The following KIAA0825 variants were observed in gnomAD, a reference collection of about 807,000 sequenced individuals.
KIAA0825 encodes the protein uncharacterized protein KIAA0825.
KIAA0825 carries 119 observed loss-of-function variants against 147.6 expected under a neutral mutation model. The observed-to-expected ratio is 0.81, with a 90% CI of 0.69 to 0.94. KIAA0825 has a LOEUF of 0.94. KIAA0825 is among the 40% of genes least tolerant of loss of function. The probability of loss-of-function intolerance (pLI) is 0.00; values close to 1 mark genes in which losing one functional copy is unlikely to be tolerated. For missense variants in KIAA0825, 1,381 were observed against 1,472.7 expected, an observed-to-expected ratio of 0.94 and a Z score of 1.02; for synonymous variants, 470 against 518.1, an observed-to-expected ratio of 0.91 and a Z score of 1.26.
intron 20 of KIAA0825, among the ~76,000 whole-genome samples, chr5:94,155,218 T>TC (rs1228666501): frequency 8.3e-6 from 1 of 120,546 alleles, no homozygotes; most frequent in African/African-American, 2.7e-5. Flanking sequence ...TCTTTCTTTT[T>TC]TTTTTTTTTT....
chr5:94,235,275 G>A lies in KIAA0825; in HGVS notation c.3711-81151C>T, dbSNP rs141232419. On this transcript the variant is annotated intron_variant, in intron 20 of 20. Transcript: ENST00000682413. The stretch of plus-strand genomic sequence containing the variant: ...AAAAGTGCTACTCCAATGAACACAT[G>A]AATGATAAGAAAGTGAAACAACCTT... Among the ~76,000 whole-genome samples, 1,172 of 152,320 alleles carry A rather than the reference G, an allele frequency of 7.7e-3. 11 individuals carry two copies. Among genetic ancestry groups the A allele is most frequent in the Middle Eastern group, 0.017 (5 of 294 alleles).
chr5:94,236,557 G>A (rs1775050047), intron 20 of KIAA0825, among the ~76,000 whole-genome samples: 2 of 152,142 alleles, frequency 1.3e-5, no homozygotes, highest in Admixed American at 6.5e-5. Context: ...AGAAGGCAGT[G>A]GCAGGGTTTG....
At chr5:94,273,290 G>A (rs922682798) in intron 20 of KIAA0825, among the ~76,000 whole-genome samples, 5 of 152,164 alleles carry the variant, frequency 3.3e-5, no homozygotes, top group Non-Finnish European at 5.9e-5. Flanking sequence ...GTGTGTATAT[G>A]TGTACGGAGA....
intron 20 of KIAA0825, among the ~76,000 whole-genome samples, chr5:94,362,432 C>A (rs185917332): frequency 7.9e-5 from 12 of 152,268 alleles, no homozygotes; most frequent in Non-Finnish European, 1.5e-5. Context: ...TCACTCTAGC[C>A]AATAACGTGG....
chr5:94,422,375 C>T (rs1484365730), intron 14 of KIAA0825, among the ~76,000 whole-genome samples: 1 of 152,114 alleles, frequency 6.6e-6, no homozygotes, highest in Non-Finnish European at 1.5e-5. Flanking sequence ...AAATTATACT[C>T]CCTTAGTCCA....
intron 20 of KIAA0825, among the ~76,000 whole-genome samples, chr5:94,186,094 AC>A (rs1416290823): frequency 1.3e-5 from 2 of 152,202 alleles, no homozygotes; most frequent in Non-Finnish European, 2.9e-5. Context: ...GTAGTACTAT[AC>A]AACCAAACAC....
In KIAA0825 at chr5:94,524,211, C is replaced by T. The variant is rs1040631935; in HGVS notation, c.132-113G>A. On this transcript the variant is annotated intron_variant, in intron 3 of 20. Coordinates refer to ENST00000682413, the MANE Select transcript of KIAA0825 (RefSeq NM_001145678.3). Reference sequence around the variant, plus strand: ...GTGGTACCTGGCTTTGTACAATTTACAAATTCATTCATATGATATGAAAAT... The same window carrying T: ...GTGGTACCTGGCTTTGTACAATTTATAAATTCATTCATATGATATGAAAAT... The T allele has an allele frequency of 5.9e-6, 3 of 505,852 alleles. No homozygotes were observed. The African/African-American group carries it at 6.0e-5, about 10-fold the overall frequency. 31.3% of individuals were successfully genotyped at this position (505,852 alleles called of 1,614,324 possible).
At chr5:94,248,929 T>G (rs1205489070) in intron 20 of KIAA0825, among the ~76,000 whole-genome samples, 3 of 152,150 alleles carry the variant, frequency 2.0e-5, no homozygotes, top group African/African-American at 7.2e-5. Flanking sequence ...TGGTTGCATA[T>G]AGGCAATTTT....
intron 5 of KIAA0825, among the ~76,000 whole-genome samples, chr5:94,491,572 T>C (rs1227121074): frequency 2.0e-5 from 3 of 152,198 alleles, no homozygotes; most frequent in Admixed American, 1.3e-4. Flanking sequence ...GTGTCACTAG[T>C]AGCTAGAAAA....
At chr5:94,615,665 T>A (rs565944248) in intron 1 of KIAA0825, 1 of 152,164 alleles carries the variant, frequency 6.6e-6, no homozygotes, top group African/African-American at 2.4e-5. Context: ...GGACAGCACA[T>A]TGCCTTTTAT....
At chr5:94,384,578 A>G in intron 19 of KIAA0825, 120 bp from the exon 20 acceptor site, 1 of 695,686 alleles carries the variant, frequency 1.4e-6, no homozygotes, top group Non-Finnish European at 2.5e-6. Context: ...CAGAACAAGG[A>G]CTTAGACAGA....
intron 2 of KIAA0825, among the ~76,000 whole-genome samples, chr5:94,555,131 A>T (rs958987064): frequency 1.3e-5 from 2 of 152,136 alleles, no homozygotes; most frequent in African/African-American, 2.4e-5. Flanking sequence ...ACTTTTTTAA[A>T]GGCCAGAGCT....
intron 2 of KIAA0825, among the ~76,000 whole-genome samples, chr5:94,547,546 G>C (rs972231967): frequency 3.3e-5 from 5 of 151,994 alleles, no homozygotes; most frequent in Non-Finnish European, 5.9e-5. Context: ...GACCAGCCTG[G>C]CCAACATGGT....
intron 5 of KIAA0825, among the ~76,000 whole-genome samples, chr5:94,500,392 GATAGACTTGGAA>G (rs1215847792): frequency 6.6e-6 from 1 of 152,160 alleles, no homozygotes; most frequent in Non-Finnish European, 1.5e-5. Flanking sequence ...GAGAAGAGGA[GATAGACTTGGAA>G]ATATTTAGGT....
intron 20 of KIAA0825, among the ~76,000 whole-genome samples, chr5:94,352,871 G>C (rs950300843): frequency 2.0e-5 from 3 of 151,820 alleles, no homozygotes; most frequent in Non-Finnish European, 4.4e-5. Flanking sequence ...TGGGAGCTAA[G>C]CTATGAGGAT....
At chr5:94,384,923 G>A (rs1047882976) in intron 19 of KIAA0825, among the ~76,000 whole-genome samples, 13 of 152,092 alleles carry the variant, frequency 8.5e-5, no homozygotes, top group African/African-American at 1.2e-4. Context: ...TGATATTAAT[G>A]TTACCTTTTT....
At chr5:94,501,448 A>G (rs771317054) in intron 5 of KIAA0825, among the ~76,000 whole-genome samples, 20 of 152,212 alleles carry the variant, frequency 1.3e-4, no homozygotes, top group Non-Finnish European at 2.5e-4. Context: ...AACCTATCCA[A>G]GGTTACATAA....
intron 5 of KIAA0825, 175 bp downstream of exon 5, chr5:94,520,069 TTTTA>T (rs1173637441): frequency 2.6e-6 from 3 of 1,135,124 alleles, no homozygotes; most frequent in Non-Finnish European, 3.4e-6. Context: ...AAGAAAATAC[TTTTA>T]TAACTACAAT....
At chr5:94,597,886 A>ATATAT (rs1396949443) in intron 1 of KIAA0825, among the ~76,000 whole-genome samples, 40 of 152,264 alleles carry the variant, frequency 2.6e-4, no homozygotes, top group African/African-American at 9.4e-4. Flanking sequence ...GTATGGTAAA[A>ATATAT]ATATAGTATA....
Sources: gnomAD v4.1 joint callset for allele counts (sites outside exome capture counted in the v4.1 genomes callset) on GRCh38, gnomAD v4.1.1 for gene constraint, MANE v1.5 for transcripts, NCBI Gene and HGNC (gene_info 2026-07-23, HGNC 2026-07-21) for gene names.